LONP1: variants seen among roughly 807,000 people sequenced by gnomAD.
The protein encoded by LONP1 is lon protease homolog, mitochondrial.
LONP1 carries 31 observed loss-of-function variants against 98.5 expected under a neutral mutation model. That is an observed-to-expected ratio of 0.31 (90% confidence interval 0.24 to 0.42). The LOEUF (loss-of-function observed/expected upper bound fraction) is 0.42, where lower values mean the gene tolerates loss of function less well. Ranked by LOEUF, LONP1 falls within the 20% of genes least tolerant of loss-of-function variation. LONP1 has a pLI of 1.00. For missense variants in LONP1, 1,336 were observed against 1,350.6 expected (o/e 0.99, Z 0.17); for synonymous variants, 781 against 594.7 (o/e 1.31, Z -4.56).
intron 9 of LONP1, among the ~76,000 whole-genome samples, chr19:5,700,287 A>G (rs769967779): frequency 3.3e-5 from 5 of 151,944 alleles, no homozygotes; most frequent in Non-Finnish European, 7.4e-5. Flanking sequence ...CTAATTTTGT[A>G]TTTTTAGTAT....
rs1167035598 is a variant in LONP1 at position 5,691,962 on chromosome 19, G to A, written c.*70C>T. On this transcript the variant is annotated 3_prime_UTR_variant, in exon 18 of 18. Coordinates refer to ENST00000360614, the MANE Select transcript of LONP1 (RefSeq NM_004793.4). ...TGGCTCCACTGCCAGGTCCGGGCGC[G>A]CTCCCCACAGCGCTCAGTTCTGGCC... 16 of 877,828 alleles carry A rather than the reference G, an allele frequency of 1.8e-5. No homozygotes were observed. The highest frequency in any genetic ancestry group is 9.1e-5 in the Admixed American group (3 of 32,810). 54.4% of individuals were successfully genotyped at this position (877,828 alleles called of 1,614,324 possible).
At chr19:5,696,479 C>A (rs1451062366) in intron 11 of LONP1, 108 bp from the exon 12 acceptor site, 4 of 1,457,438 alleles carry the variant, frequency 2.7e-6, no homozygotes, top group Non-Finnish European at 3.7e-6. Context: ...AGAGCGGCAC[C>A]CACACCCTGC....
intron 3 of LONP1, among the ~76,000 whole-genome samples, chr19:5,712,256 C>G (rs2145624876): frequency 6.6e-6 from 1 of 152,298 alleles, no homozygotes; most frequent in Middle Eastern, 3.4e-3. Flanking sequence ...GCATCACTGT[C>G]CCCATCCTAA....
intron 8 of LONP1, among the ~76,000 whole-genome samples, chr19:5,703,180 CAAAAAA>C (rs35471644): frequency 2.6e-3 from 202 of 77,090 alleles, no homozygotes; most frequent in African/African-American, 9.3e-3. Context: ...GACTCCATCT[CAAAAAA>C]AAAAAAAAAA....
At chr19:5,710,921 G>C (rs543001534) in intron 4 of LONP1, among the ~76,000 whole-genome samples, 9 of 152,138 alleles carry the variant, frequency 5.9e-5, no homozygotes, top group Non-Finnish European at 2.9e-5. Flanking sequence ...AGTTACTTGG[G>C]AGGCTGAGGC....
At chr19:5,707,670 G>A (rs773638113) in intron 6 of LONP1, 27 bp downstream of exon 6, 12 of 1,594,878 alleles carry the variant, frequency 7.5e-6, no homozygotes, top group Non-Finnish European at 9.4e-6. Context: ...CCAGGCGTGG[G>A]GGGCTGTGGA....
rs2145621273 is a variant in LONP1 at position 5,710,742 on chromosome 19, G to A, written c.870+1029C>T. Among the ~76,000 whole-genome samples the A allele has an allele frequency of 1.3e-5, 2 of 152,184 alleles. 1 individual carries two copies. Among genetic ancestry groups the A allele is most frequent in the Middle Eastern group, 6.8e-3 (2 of 294 alleles). On this transcript the variant is annotated intron_variant, in intron 4 of 17. Transcript: ENST00000360614. ...TACTTCAAGTGCTCAATACTCACAGGTGGCCGGGCACAGTGGCTCACGACT... is the reference window on the plus strand; with the variant it reads ...TACTTCAAGTGCTCAATACTCACAGATGGCCGGGCACAGTGGCTCACGACT...
intron 17 of LONP1, among the ~76,000 whole-genome samples, chr19:5,692,748 C>CTAGGAAGTCTGTGCCTGGTGTCCAAT (rs1568309114): frequency 6.6e-6 from 1 of 152,182 alleles, no homozygotes; most frequent in Non-Finnish European, 1.5e-5. Flanking sequence ...ATTTTATCAT[C>CTAGGAAGTCTGTGCCTGGTGTCCAAT]TAGGAAGTCT....
At chr19:5,699,704 T>C (rs1306990743) in intron 9 of LONP1, among the ~76,000 whole-genome samples, 1 of 151,464 alleles carries the variant, frequency 6.6e-6, no homozygotes, top group Non-Finnish European at 1.5e-5. Flanking sequence ...ATTACAGGTG[T>C]GAGTCACCAT....
chr19:5,716,956 G>A (rs1345550430), intron 1 of LONP1, among the ~76,000 whole-genome samples: 16 of 152,042 alleles, frequency 1.1e-4, no homozygotes, highest in Admixed American at 9.2e-4. Context: ...ACCACTCCAG[G>A]CTAATTTTTT....
chr19:5,708,995 A>C (rs1247166415), intron 4 of LONP1: 1 of 147,358 alleles, frequency 6.8e-6, no homozygotes, highest in African/African-American at 2.6e-5. Flanking sequence ...CCTGGGCGAA[A>C]GAGCGAGACT....
rs201679198 is a variant in LONP1, at chr19:5,699,067, C to A, written c.1645G>T (p.Val549Phe). 6.2e-7 allele frequency: 1 copy of A among 1,608,974 alleles called. No homozygotes were observed. Among genetic ancestry groups the A allele is most frequent in the South Asian group, 1.1e-5 (1 of 90,842 alleles). ...ALNREYFRFS[V>F]GGMTDVAEIK... Reference sequence around the variant, plus strand: ...TCAGCCACGTCAGTCATGCCCCCGACGCTGAAGCGGAAGTACTCTCGGTTC... The same window carrying A: ...TCAGCCACGTCAGTCATGCCCCCGAAGCTGAAGCGGAAGTACTCTCGGTTC... Residue 549 changes from valine (V) to phenylalanine (F), a missense_variant, in exon 10 of 18, where the codon GTC becomes TTC. Physicochemically the swap from Val to Phe is conservative, Grantham distance 50. Around this residue, in one of 5 missense-constraint regions of LONP1, gnomAD observed 219 missense variants for 241.0 expected, o/e 0.91. Transcript: ENST00000360614.
chr19:5,719,604 G>A (rs1022427468), intron 1 of LONP1, 100 bp downstream of exon 1: 1 of 1,581,888 alleles, frequency 6.3e-7, no homozygotes, highest in African/African-American at 1.4e-5. Flanking sequence ...CTTCATGTCT[G>A]AAAAAGTTGC....
intron 17 of LONP1, 100 bp from the exon 18 acceptor site, chr19:5,692,308 ACAGTGATG>A: frequency 8.5e-7 from 1 of 1,175,980 alleles, no homozygotes; most frequent in Admixed American, 2.2e-5. Context: ...CCGGCGATAC[ACAGTGATG>A]CCGGGTTCTA....
At chr19:5,715,458 A>G (rs1167042481) in intron 1 of LONP1, among the ~76,000 whole-genome samples, 2 of 150,812 alleles carry the variant, frequency 1.3e-5, no homozygotes, top group Non-Finnish European at 3.0e-5. Context: ...CCTGGCTAAC[A>G]CGGTGAAACC....
chr19:5,711,309 C>T (rs1199935037), intron 4 of LONP1, among the ~76,000 whole-genome samples: 2 of 152,260 alleles, frequency 1.3e-5, no homozygotes, highest in African/African-American at 4.8e-5. Flanking sequence ...CGCCAAGAGC[C>T]TGCCCACCTC....
At chr19:5,701,982 C>CTGT (rs2055054910) in intron 8 of LONP1, among the ~76,000 whole-genome samples, 1 of 150,906 alleles carries the variant, frequency 6.6e-6, no homozygotes, top group South Asian at 2.1e-4. Flanking sequence ...GCCCGGCAGC[C>CTGT]CTGAGAAGTG....
Position 5,701,039 on chromosome 19 carries a change from C to T in LONP1, c.1368-112G>A, listed in dbSNP as rs4807048. 27,358 of 1,230,658 alleles carry T rather than the reference C, an allele frequency of 0.022. 617 individuals are homozygous for T. The highest frequency in any genetic ancestry group is 0.1 in the East Asian group (4,403 of 42,676). 76.2% of individuals were successfully genotyped at this position (1,230,658 alleles called of 1,614,324 possible). On this transcript the variant is annotated intron_variant, in intron 8 of 17. Coordinates refer to ENST00000360614, the MANE Select transcript of LONP1 (RefSeq NM_004793.4). ...CTTGAAACCCATGTGTGGGGCTGAG[C>T]GCGGTGGCTCACGCCTGTAATCCCA...
intron 10 of LONP1, among the ~76,000 whole-genome samples, chr19:5,697,226 GAC>G (rs2054949224): frequency 6.6e-6 from 1 of 152,138 alleles, no homozygotes; most frequent in African/African-American, 2.4e-5. Context: ...CCCCACGAGA[GAC>G]AGTGAGGAAG....
Sources: gnomAD v4.1 joint callset for allele counts (sites outside exome capture counted in the v4.1 genomes callset) on GRCh38, gnomAD v4.1.1 for gene constraint, gnomAD v4.1.1 regional missense constraint, MANE v1.5 for transcripts, NCBI Gene and HGNC (gene_info 2026-07-23, HGNC 2026-07-21) for gene names.